Variants in AKNA observed in about 807,000 individuals in gnomAD.
AKNA encodes the protein microtubule organization protein AKNA.
AKNA carries 67 observed loss-of-function variants against 138.8 expected under a neutral mutation model. The observed-to-expected ratio is 0.48, with a 90% CI of 0.40 to 0.59. The LOEUF is 0.59. Ranked by LOEUF, AKNA falls within the 20% of genes least tolerant of loss-of-function variation. The pLI is 0.00. For missense variants in AKNA, 1,813 were observed against 1,880.4 expected (o/e 0.96, Z 0.66); for synonymous variants, 737 against 754.4 (o/e 0.98, Z 0.38).
intron 1 of AKNA, among the ~76,000 whole-genome samples, chr9:114,393,437 G>C (rs1834426632): frequency 6.6e-6 from 1 of 150,856 alleles, no homozygotes. Flanking sequence ...GTGTTAGCCA[G>C]GATGGTCTCG....
chr9:114,391,077 T>C (rs1263024217), upstream of AKNA, among the ~76,000 whole-genome samples: 1 of 152,196 alleles, frequency 6.6e-6, no homozygotes, highest in African/African-American at 2.4e-5. Context: ...GCCTGACTCA[T>C]AGCCCTCATA....
At chr9:114,395,161 T>C (rs1244810166), upstream of AKNA, among the ~76,000 whole-genome samples, 3 of 152,136 alleles carry the variant, frequency 2.0e-5, no homozygotes, top group African/African-American at 7.2e-5. Flanking sequence ...CCTGGGTAGA[T>C]CAGCCCTTTG....
At chr9:114,366,993 A>T (rs1481283516) in intron 6 of AKNA, among the ~76,000 whole-genome samples, 2 of 152,198 alleles carry the variant, frequency 1.3e-5, no homozygotes, top group African/African-American at 4.8e-5. Flanking sequence ...TGTTTTCAGA[A>T]TGTGGCTAAA....
chr9:114,374,071 C>A, intron 4 of AKNA, 22 bp downstream of exon 4: 1 of 1,552,326 alleles, frequency 6.4e-7, no homozygotes, highest in Non-Finnish European at 8.7e-7. Flanking sequence ...GCCCATGCCT[C>A]CACCCCATCC....
chr9:114,384,031 G>C (rs1273291774), intron 1 of AKNA, among the ~76,000 whole-genome samples: 1 of 152,186 alleles, frequency 6.6e-6, no homozygotes, highest in Non-Finnish European at 1.5e-5. Context: ...CGCCAGCCTG[G>C]GTTGAAGCTT....
At chr9:114,363,772 G>C (rs760279204) in intron 7 of AKNA, among the ~76,000 whole-genome samples, 1 of 152,044 alleles carries the variant, frequency 6.6e-6, no homozygotes, top group Admixed American at 6.6e-5. Flanking sequence ...AGTGGGCACA[G>C]CTCCCGGCTA....
At chr9:114,357,895 GC>G (rs777874252) in intron 12 of AKNA, 25 bp downstream of exon 12, 2 of 1,593,236 alleles carry the variant, frequency 1.3e-6, no homozygotes, top group Non-Finnish European at 1.7e-6. Flanking sequence ...GAGGTTCTGG[GC>G]CCATTCCCCC....
At chr9:114,362,031 A>G (rs34200254) in intron 8 of AKNA, 120 bp from the exon 9 acceptor site, 62,813 of 996,902 alleles carry the variant, frequency 0.063, 2,510 homozygotes, top group Non-Finnish European at 0.072. Context: ...ATTTAATATC[A>G]GCCTTTAGAT....
At chr9:114,392,566 T>C (rs1834387482), upstream of AKNA, among the ~76,000 whole-genome samples, 1 of 152,248 alleles carries the variant, frequency 6.6e-6, no homozygotes, top group South Asian at 2.1e-4. Flanking sequence ...CGGATGAGAC[T>C]ATGTGCCAAA....
chr9:114,374,387 T>G (rs1227865885), intron 3 of AKNA, among the ~76,000 whole-genome samples: 1 of 152,226 alleles, frequency 6.6e-6, no homozygotes, highest in Non-Finnish European at 1.5e-5. Context: ...GGGACAACTC[T>G]TCTACCCCCA....
chr9:114,346,036 A>C (rs1554835028), intron 17 of AKNA, 27 bp from the exon 18 acceptor site: 2 of 1,479,720 alleles, frequency 1.4e-6, no homozygotes, highest in Non-Finnish European at 1.9e-6. Flanking sequence ...GGGGCATCAG[A>C]GGGGGCAAGG....
At chr9:114,371,857 C>A (rs1832793181) in intron 4 of AKNA, among the ~76,000 whole-genome samples, 1 of 152,042 alleles carries the variant, frequency 6.6e-6, no homozygotes, top group Admixed American at 6.6e-5. Context: ...CTGAGGACTG[C>A]CTCTGAACTC....
chr9:114,362,367 T>C (rs1262627281), intron 8 of AKNA, 39 bp downstream of exon 8: 23 of 1,587,966 alleles, frequency 1.4e-5, no homozygotes, highest in Non-Finnish European at 2.0e-5. Context: ...CAGGGGCCCA[T>C]CCCATCTGTC....
intron 1 of AKNA, among the ~76,000 whole-genome samples, chr9:114,384,041 T>C (rs185136860): frequency 6.6e-6 from 1 of 152,312 alleles, no homozygotes; most frequent in Admixed American, 6.5e-5. Flanking sequence ...GGTTGAAGCT[T>C]TACTTTTAAA....
In AKNA at chr9:114,346,651, T is replaced by C. The variant is rs1830708095; in HGVS notation, c.3514+18A>G. ...GACTGTGGCCTCTGGAAATCAGCCT[T>C]TGCAGGTGGTCACTTACTCAGGGAC... is the stretch of plus-strand genomic sequence containing the variant. On this transcript the variant is annotated intron_variant, in intron 17 of 21. Transcript: ENST00000374088. 1 of 1,584,712 alleles carries C rather than the reference T, an allele frequency of 6.3e-7. No individual in the cohort carries two copies. The highest frequency in any genetic ancestry group is 1.4e-5 in the African/African-American group (1 of 73,810).
chr9:114,359,552 G>A, intron 11 of AKNA, 42 bp downstream of exon 11: 1 of 1,613,886 alleles, frequency 6.2e-7, no homozygotes, highest in South Asian at 1.1e-5. Context: ...TGTGGTTTTA[G>A]GGTGGAAACA....
chr9:114,343,927 G>A (rs1830519012), intron 18 of AKNA, 124 bp from the exon 19 acceptor site: 2 of 826,580 alleles, frequency 2.4e-6, no homozygotes, highest in Non-Finnish European at 3.8e-6. Flanking sequence ...TCTCTCTCAC[G>A]TGTGCACACG....
chr9:114,368,355 T>C (rs577887149), intron 5 of AKNA, 84 bp downstream of exon 5: 2 of 1,290,464 alleles, frequency 1.5e-6, no homozygotes, highest in South Asian at 6.4e-5. Flanking sequence ...GCCAGCGCCA[T>C]CCCCAGGGTG....
chr9:114,388,754 A>G (rs905422396), upstream of AKNA, among the ~76,000 whole-genome samples: 2 of 152,094 alleles, frequency 1.3e-5, no homozygotes, highest in African/African-American at 4.8e-5. Context: ...CTTTTAAATC[A>G]CCTGGGAATA....
Sources: allele counts gnomAD v4.1 joint callset (sites outside exome capture counted in the v4.1 genomes callset), GRCh38; gene constraint gnomAD v4.1.1; transcripts MANE v1.5; gene names NCBI Gene and HGNC (gene_info 2026-07-23, HGNC 2026-07-21).